FAM118A: variants seen among roughly 807,000 people sequenced by gnomAD.
FAM118A encodes the protein protein FAM118A.
FAM118A carries 25 observed loss-of-function variants against 38.2 expected under a neutral mutation model. The observed-to-expected ratio is 0.65, with a 90% CI of 0.48 to 0.91. FAM118A has a LOEUF of 0.91. FAM118A is among the 40% of genes least tolerant of loss of function. The probability of loss-of-function intolerance (pLI) is 0.00; values close to 1 mark genes in which losing one functional copy is unlikely to be tolerated. For missense variants in FAM118A, 425 were observed against 463.3 expected, an observed-to-expected ratio of 0.92 and a Z score of 0.76; for synonymous variants, 178 against 184.1, an observed-to-expected ratio of 0.97 and a Z score of 0.27.
chr22:45,309,876 C>A (rs559161855), upstream of FAM118A: 1 of 152,066 alleles, frequency 6.6e-6, no homozygotes, highest in East Asian at 1.9e-4. Context: ...ACCGCGGGGC[C>A]GTTGGTTTCG....
chr22:45,333,766 A>T (rs1383371352), intron 6 of FAM118A, among the ~76,000 whole-genome samples: 2 of 151,802 alleles, frequency 1.3e-5, no homozygotes, highest in Non-Finnish European at 2.9e-5. Flanking sequence ...GCTTGAGCCC[A>T]GGAGTTAGAG....
At chr22:45,324,210 A>T (rs2085089011) in intron 3 of FAM118A, among the ~76,000 whole-genome samples, 1 of 152,208 alleles carries the variant, frequency 6.6e-6, no homozygotes, top group African/African-American at 2.4e-5. Flanking sequence ...AGGAGACCTT[A>T]AACCACATGG....
chr22:45,322,593 G>A (rs918756697), intron 2 of FAM118A, among the ~76,000 whole-genome samples, 167 bp downstream of exon 2: 7 of 152,166 alleles, frequency 4.6e-5, no homozygotes, highest in African/African-American at 1.7e-4. Context: ...TTCAATGTAA[G>A]GAACGTTCCA....
chr22:45,336,157 G>A (rs1569156588), intron 7 of FAM118A, among the ~76,000 whole-genome samples, 171 bp from the exon 8 acceptor site: 4 of 152,194 alleles, frequency 2.6e-5, no homozygotes. Context: ...ACTGAAATGC[G>A]ACTCCTGGAA....
chr22:45,333,962 G>C (rs1368744680), intron 6 of FAM118A, among the ~76,000 whole-genome samples: 1 of 152,198 alleles, frequency 6.6e-6, no homozygotes, highest in Non-Finnish European at 1.5e-5. Flanking sequence ...AGCTTTATCA[G>C]TTGTGATACT....
chr22:45,326,824 CAAAAAAAAAAAAAAA>C (rs36188767), intron 3 of FAM118A, among the ~76,000 whole-genome samples: 1 of 40,468 alleles, frequency 2.5e-5, no homozygotes, highest in East Asian at 7.7e-4. Context: ...GACTCTGTCT[CAAAAAAAAAAAAAAA>C]AAAAAAAAGT....
intron 1 of FAM118A, among the ~76,000 whole-genome samples, chr22:45,320,729 T>C (rs1272507953): frequency 1.3e-5 from 2 of 152,166 alleles, no homozygotes; most frequent in Non-Finnish European, 2.9e-5. Flanking sequence ...TGAGCCAGCG[T>C]ACTCTGCCAA....
At chr22:45,310,665 C>G (rs1174437171) in intron 1 of FAM118A, among the ~76,000 whole-genome samples, 2 of 152,102 alleles carry the variant, frequency 1.3e-5, no homozygotes, top group African/African-American at 4.8e-5. Context: ...TGGAAGTGTT[C>G]CCAGGTCTGG....
upstream of FAM118A, chr22:45,309,909 G>A (rs1232551985): frequency 2.0e-5 from 3 of 152,224 alleles, no homozygotes; most frequent in East Asian, 5.8e-4. Flanking sequence ...CACGCGGCTG[G>A]GGCGGGCGCG....
intron 6 of FAM118A, among the ~76,000 whole-genome samples, chr22:45,333,047 T>G (rs1382790171): frequency 6.6e-6 from 1 of 152,080 alleles, no homozygotes; most frequent in African/African-American, 2.4e-5. Flanking sequence ...CCGGCCTGTC[T>G]TCACTTTTCA....
chr22:45,324,191 G>T (rs866089389), intron 3 of FAM118A, among the ~76,000 whole-genome samples: 2 of 152,210 alleles, frequency 1.3e-5, no homozygotes, highest in Non-Finnish European at 2.9e-5. Flanking sequence ...AGTTGAGGTT[G>T]GCTGTGAAAG....
In FAM118A at chr22:45,341,487, T is replaced by C. The variant is rs948239875; in HGVS notation, c.*1082T>C. Reference sequence around the variant, plus strand: ...GGGGTAATATCCAGTCTTTCTGTTATTGTCTCTTAAAATTCTCTTCCATGG... The same window carrying C: ...GGGGTAATATCCAGTCTTTCTGTTACTGTCTCTTAAAATTCTCTTCCATGG... On this transcript the variant is annotated 3_prime_UTR_variant, in exon 9 of 9. Transcript: ENST00000441876. The C allele has an allele frequency of 1.3e-5, 2 of 152,236 alleles. No individual in the cohort carries two copies. The highest frequency in any genetic ancestry group is 4.8e-5 in the African/African-American group (2 of 41,458). 9.4% of individuals were successfully genotyped at this position (152,236 alleles called of 1,614,324 possible).
At chr22:45,322,883 A>G (rs2084966100) in intron 2 of FAM118A, among the ~76,000 whole-genome samples, 1 of 152,256 alleles carries the variant, frequency 6.6e-6, no homozygotes, top group South Asian at 2.1e-4. Flanking sequence ...GCAGCTTCAA[A>G]GGAATGATAT....
At position 45,323,234 on chromosome 22, in the gene FAM118A, C is replaced by T. The variant is rs1439291214; in HGVS notation, c.107C>T (p.Thr36Ile). 2 of 1,614,222 alleles carry T rather than the reference C, an allele frequency of 1.2e-6. No individual in the cohort carries two copies. The highest frequency in any genetic ancestry group is 1.7e-6 in the Non-Finnish European group (2 of 1,180,034). The change falls in exon 3 of 9, where the codon ACT (threonine) becomes ATT (isoleucine). Residue 36 changes from threonine (T) to isoleucine (I), a missense_variant. Coordinates refer to ENST00000441876, the MANE Select transcript of FAM118A (RefSeq NM_017911.4). ...CAGGAACTGCTCCTGGTTATCGGGA[C>T]TGGCGTCAGCGCAGCAGTGGCCCCC... ...QPQELLLVIG[T>I]GVSAAVAPGI...
At chr22:45,335,295 G>A (rs888721533) in intron 6 of FAM118A, 55 bp from the exon 7 acceptor site, 14 of 1,610,038 alleles carry the variant, frequency 8.7e-6, no homozygotes, top group Non-Finnish European at 9.3e-6. Context: ...GGGTGGCCGA[G>A]GAGGACGAGC....
At chr22:45,327,548 C>CT (rs929254869) in intron 3 of FAM118A, among the ~76,000 whole-genome samples, 9 of 152,182 alleles carry the variant, frequency 5.9e-5, no homozygotes, top group Admixed American at 2.0e-4. Context: ...TCCTCAGGCC[C>CT]CTGTTCAGAT....
At chr22:45,336,017 G>A (rs960873049) in intron 7 of FAM118A, among the ~76,000 whole-genome samples, 1 of 152,238 alleles carries the variant, frequency 6.6e-6, no homozygotes, top group Admixed American at 6.5e-5. Context: ...ATGGGAAAAC[G>A]CGCATCGATG....
rs1217877788 is a variant in FAM118A, at chr22:45,340,521, A to G, written c.*116A>G. ...ATCTCTGATTGCGAAACCGTCACATACACCAAGAGAGCCACATGGGCATGT... is the reference window on the plus strand; with the variant it reads ...ATCTCTGATTGCGAAACCGTCACATGCACCAAGAGAGCCACATGGGCATGT... On this transcript the variant is annotated 3_prime_UTR_variant, in exon 9 of 9. Coordinates refer to ENST00000441876, the MANE Select transcript of FAM118A (RefSeq NM_017911.4). 8.0e-7 allele frequency: 1 copy of G among 1,250,206 alleles called. No individual in the cohort carries two copies. The highest frequency in any genetic ancestry group is 1.5e-5 in the African/African-American group (1 of 67,624). 77.4% of individuals were successfully genotyped at this position (1,250,206 alleles called of 1,614,324 possible).
At chr22:45,332,348 A>G in intron 5 of FAM118A, 77 bp from the exon 6 acceptor site, 6 of 1,466,014 alleles carry the variant, frequency 4.1e-6, no homozygotes, top group Non-Finnish European at 5.6e-6. Context: ...GTAAAAGCAC[A>G]CACATGTGAC....
Sources: allele counts gnomAD v4.1 joint callset (sites outside exome capture counted in the v4.1 genomes callset), GRCh38; gene constraint gnomAD v4.1.1; transcripts MANE v1.5; gene names NCBI Gene and HGNC (gene_info 2026-07-23, HGNC 2026-07-21).